IGFBP7: variants seen among roughly 807,000 people sequenced by gnomAD.
IGFBP7 encodes insulin-like growth factor-binding protein 7.
In IGFBP7, 31 loss-of-function variants were observed where a neutral mutation model predicts 29.4. That is an observed-to-expected ratio of 1.05 (90% CI 0.79 to 1.42). The LOEUF is 1.42. Among genes scored for constraint, IGFBP7 ranks in the 40% most tolerant of loss-of-function variants. The pLI, the probability that IGFBP7 is intolerant of heterozygous loss-of-function variation, is 0.00. For synonymous variants in IGFBP7, 172 were observed against 174.9 expected, an observed-to-expected ratio of 0.98 and a Z score of 0.13; for missense variants, 393 against 395.5, an observed-to-expected ratio of 0.99 and a Z score of 0.05.
intron 2 of IGFBP7, among the ~76,000 whole-genome samples, chr4:57,035,047 AC>A (rs1318203325): frequency 6.6e-6 from 1 of 152,118 alleles, no homozygotes; most frequent in Non-Finnish European, 1.5e-5. Flanking sequence ...AAGTAATATG[AC>A]TCTGACCTTT....
intron 2 of IGFBP7, among the ~76,000 whole-genome samples, chr4:57,034,673 C>T (rs1363098516): frequency 6.6e-6 from 1 of 152,112 alleles, no homozygotes; most frequent in African/African-American, 2.4e-5. Flanking sequence ...GCTGTTGTGT[C>T]GGCTTCAAAC....
Position 57,067,801 on chromosome 4 carries a change from A to G in IGFBP7, c.476-26868T>C, listed in dbSNP as rs1388875365. On this transcript the variant is annotated intron_variant, in intron 1 of 4. Transcript: ENST00000295666. Reference sequence around the variant, plus strand: ...TCAGGACTTCTCCAATAGACCACCGAGTATTGTATGGTCTCAAAAATTCCT... The same window carrying G: ...TCAGGACTTCTCCAATAGACCACCGGGTATTGTATGGTCTCAAAAATTCCT... 5.3e-5 allele frequency among the ~76,000 whole-genome samples: 8 copies of G among 152,308 alleles called. No homozygotes were observed. In the East Asian group the frequency reaches 1.5e-3, roughly 29 times the overall value.
chr4:57,054,292 G>A (rs11734140), intron 1 of IGFBP7, among the ~76,000 whole-genome samples: 66,367 of 151,842 alleles, frequency 0.44, 14,762 homozygotes, highest in Middle Eastern at 0.47. Context: ...GTCTCTATCC[G>A]TAGGCCCTGC....
chr4:57,073,033 G>T, intron 1 of IGFBP7: 1 of 1,236,578 alleles, frequency 8.1e-7, no homozygotes, highest in Non-Finnish European at 1.2e-6. Flanking sequence ...TTGATAGCTC[G>T]TTGAACAGGC....
At chr4:57,046,653 C>T (rs1298944677) in intron 1 of IGFBP7, among the ~76,000 whole-genome samples, 1 of 152,082 alleles carries the variant, frequency 6.6e-6, no homozygotes, top group African/African-American at 2.4e-5. Flanking sequence ...TTTATCCTTG[C>T]CCTTGTTCCA....
rs767778773 is a variant in IGFBP7 at position 57,109,934 on chromosome 4, C to G, written c.418G>C (p.Ala140Pro). The G allele has an allele frequency of 3.2e-6, 5 of 1,557,844 alleles. No individual in the cohort carries two copies. The highest frequency in any genetic ancestry group is 4.3e-6 in the Non-Finnish European group (5 of 1,158,282). The change falls in exon 1 of 5, where the codon GCC becomes CCC. Residue 140 changes from alanine (A) to proline (P), a missense_variant. Physicochemically the swap from Ala to Pro is conservative, Grantham distance 27. Transcript: ENST00000295666. ...ATGGCCTTCTCCCCGCGGCTCTCGG[C>G]CCTCTGGCTGGCGGCGCGCAGCTGG... ...GCQLRAASQR[A>P]ESRGEKAITQ...
chr4:57,064,139 C>G (rs1392307089), intron 1 of IGFBP7, among the ~76,000 whole-genome samples: 5 of 152,146 alleles, frequency 3.3e-5, no homozygotes, highest in Non-Finnish European at 7.4e-5. Flanking sequence ...AGGAGTTTCA[C>G]AGCAGCCTGG....
chr4:57,075,416 C>G (rs1245651791), intron 1 of IGFBP7, among the ~76,000 whole-genome samples: 1 of 132,512 alleles, frequency 7.5e-6, no homozygotes, highest in African/African-American at 2.8e-5. Flanking sequence ...ATCTTCTCCT[C>G]CCCTAAAATG....
At chr4:57,054,752 C>T (rs1032202519) in intron 1 of IGFBP7, among the ~76,000 whole-genome samples, 1 of 151,878 alleles carries the variant, frequency 6.6e-6, no homozygotes, top group African/African-American at 2.4e-5. Flanking sequence ...ACTTGCTAAA[C>T]CTCCTCCTGA....
intron 1 of IGFBP7, among the ~76,000 whole-genome samples, chr4:57,068,363 A>G (rs1000238591): frequency 8.5e-5 from 13 of 152,116 alleles, no homozygotes; most frequent in African/African-American, 3.1e-4. Flanking sequence ...AAGGACTGAC[A>G]TCATCAGTTT....
intron 1 of IGFBP7, among the ~76,000 whole-genome samples, chr4:57,084,788 G>GTTCTTTTTTT (rs1553916467): frequency 8.8e-6 from 1 of 113,104 alleles, no homozygotes; most frequent in Non-Finnish European, 1.7e-5. Context: ...TTTAAAAAAG[G>GTTCTTTTTTT]TTTTTTTTTT....
At chr4:57,107,197 A>T (rs1263291679) in intron 1 of IGFBP7, among the ~76,000 whole-genome samples, 2 of 152,184 alleles carry the variant, frequency 1.3e-5, no homozygotes, top group Non-Finnish European at 2.9e-5. Context: ...CATCCCTGGT[A>T]TATAGCACCT....
At chr4:57,063,156 TG>T (rs1724838308) in intron 1 of IGFBP7, among the ~76,000 whole-genome samples, 1 of 152,124 alleles carries the variant, frequency 6.6e-6, no homozygotes, top group Admixed American at 6.5e-5. Flanking sequence ...TAGCTTTGCT[TG>T]GTTAACTCCT....
chr4:57,096,705 T>C (rs533396987), intron 1 of IGFBP7, among the ~76,000 whole-genome samples: 2 of 152,350 alleles, frequency 1.3e-5, no homozygotes, highest in African/African-American at 4.8e-5. Context: ...CTTAAACCTC[T>C]TCTTCATACC....
intron 1 of IGFBP7, among the ~76,000 whole-genome samples, chr4:57,099,116 G>A (rs574677135): frequency 9.9e-5 from 15 of 152,138 alleles, no homozygotes; most frequent in Non-Finnish European, 2.1e-4. Context: ...ACTAATCTGT[G>A]GTGATGTAAA....
chr4:57,106,215 T>A (rs1726028766), intron 1 of IGFBP7, among the ~76,000 whole-genome samples: 1 of 152,172 alleles, frequency 6.6e-6, no homozygotes, highest in African/African-American at 2.4e-5. Context: ...TGCCCATTTT[T>A]AAAATTTTTA....
chr4:57,060,652 G>C (rs7673308), intron 1 of IGFBP7, among the ~76,000 whole-genome samples: 30,630 of 152,146 alleles, frequency 0.2, 3,336 homozygotes, highest in Middle Eastern at 0.32. Flanking sequence ...GATCCAGCCT[G>C]CTACACCAGC....
chr4:57,067,010 C>G (rs1273489563), intron 1 of IGFBP7, among the ~76,000 whole-genome samples: 1 of 146,840 alleles, frequency 6.8e-6, no homozygotes, highest in Non-Finnish European at 1.5e-5. Context: ...GTCATAAAGT[C>G]CTCTCTCCAA....
At chr4:57,059,044 G>A (rs1054210717) in intron 1 of IGFBP7, among the ~76,000 whole-genome samples, 11 of 152,162 alleles carry the variant, frequency 7.2e-5, no homozygotes, top group African/African-American at 2.7e-4. Context: ...ACCACAATGA[G>A]ATACCATCTT....
Sources: gnomAD v4.1 joint callset for allele counts (sites outside exome capture counted in the v4.1 genomes callset) on GRCh38, gnomAD v4.1.1 for gene constraint, MANE v1.5 for transcripts, NCBI Gene and HGNC (gene_info 2026-07-23, HGNC 2026-07-21) for gene names.